CDH7: variants seen among roughly 807,000 people sequenced by gnomAD.
CDH7 encodes the protein cadherin-7.
In CDH7, 25 loss-of-function variants were observed where a neutral mutation model predicts 71.8. That is an observed-to-expected ratio of 0.35 (90% confidence interval 0.25 to 0.49). The LOEUF (loss-of-function observed/expected upper bound fraction) is 0.49, where lower values mean the gene tolerates loss of function less well. Among genes scored for constraint, CDH7 ranks in the 20% least tolerant of loss-of-function variants. The pLI is 0.99. For missense variants in CDH7, 862 were observed against 974.6 expected (o/e 0.88, Z 1.54); for synonymous variants, 381 against 363.8 (o/e 1.05, Z -0.54).
intron 2 of CDH7, among the ~76,000 whole-genome samples, chr18:65,774,590 G>A (rs1160933634): frequency 6.6e-6 from 1 of 151,938 alleles, no homozygotes; most frequent in African/African-American, 2.4e-5. Context: ...ATATGGTACT[G>A]AATCTGTTGT....
At chr18:65,833,519 A>C (rs544958378) in intron 6 of CDH7, among the ~76,000 whole-genome samples, 1 of 152,256 alleles carries the variant, frequency 6.6e-6, no homozygotes, top group African/African-American at 2.4e-5. Flanking sequence ...AAAAGGCATA[A>C]ATTTTGGATT....
At position 65,852,319 on chromosome 18, in the gene CDH7, C is replaced by CAAT. The variant is rs1913178678; in HGVS notation, c.1236-5489_1236-5487dup. Among the ~76,000 whole-genome samples the CAAT allele has an allele frequency of 1.3e-5, 2 of 152,126 alleles. 1 individual carries two copies. Among genetic ancestry groups the CAAT allele is most frequent in the South Asian group, 4.2e-4 (2 of 4,812 alleles). ...TTAGAGTCCAGTATCGAAATAACCT[C>CAAT]AATAATAATATATGCTTGCGTTAGT... On this transcript the variant is annotated intron_variant, in intron 7 of 11. Coordinates refer to ENST00000397968, the MANE Select transcript of CDH7 (RefSeq NM_004361.5).
chr18:65,865,909 C>T (rs907837966), intron 11 of CDH7: 1 of 152,026 alleles, frequency 6.6e-6, no homozygotes, highest in African/African-American at 2.4e-5. Context: ...ATTTGTAACT[C>T]AAACCTTTTA....
At chr18:65,856,273 A>T (rs770193577) in intron 7 of CDH7, among the ~76,000 whole-genome samples, 93 of 152,290 alleles carry the variant, frequency 6.1e-4, no homozygotes, top group Non-Finnish European at 1.1e-3. Context: ...AAAATAAGAT[A>T]TATTATTATT....
Position 65,824,839 on chromosome 18 carries a change from T to G in CDH7, c.981+8T>G. On this transcript the variant is annotated splice_region_variant and intron_variant, in intron 6 of 11. Coordinates refer to ENST00000397968, the MANE Select transcript of CDH7 (RefSeq NM_004361.5). Reference sequence around the variant, plus strand: ...ATCATTACTATACAGAAGGTAATGTTTTCTTTATTTATCTTTTATCACAGA... The same window carrying G: ...ATCATTACTATACAGAAGGTAATGTGTTCTTTATTTATCTTTTATCACAGA... 6.4e-7 allele frequency: 1 copy of G among 1,560,490 alleles called. No individual in the cohort carries two copies. The highest frequency in any genetic ancestry group is 1.2e-5 in the South Asian group (1 of 85,720).
rs28397859 is a variant in CDH7 at position 65,758,924 on chromosome 18, A to C, written c.-196-3723A>C. Among the ~76,000 whole-genome samples, 466 of 148,764 alleles carry C rather than the reference A, an allele frequency of 3.1e-3. 5 individuals carry two copies. Among genetic ancestry groups the C allele is most frequent in the African/African-American group, 0.011 (443 of 40,196 alleles). On this transcript the variant is annotated intron_variant, in intron 1 of 11. Coordinates refer to ENST00000397968, the MANE Select transcript of CDH7 (RefSeq NM_004361.5). Reference sequence around the variant, plus strand: ...ATAGGGTAGATCTCCTTCTTCATCAAGGTTTATGTTTATACTAGCTGCTTT... The same window carrying C: ...ATAGGGTAGATCTCCTTCTTCATCACGGTTTATGTTTATACTAGCTGCTTT...
intron 4 of CDH7, among the ~76,000 whole-genome samples, chr18:65,815,067 ATCTGC>A (rs1911676177): frequency 1.3e-5 from 2 of 152,266 alleles, no homozygotes; most frequent in South Asian, 4.1e-4. Context: ...TAGGGTGATG[ATCTGC>A]CAAATCAAAA....
intron 2 of CDH7, among the ~76,000 whole-genome samples, chr18:65,792,042 A>G (rs1248153325): frequency 6.6e-6 from 1 of 152,060 alleles, no homozygotes; most frequent in Non-Finnish European, 1.5e-5. Context: ...AAGTTTGAAA[A>G]CTACATTAAC....
chr18:65,781,739 C>G (rs923773032), intron 2 of CDH7, among the ~76,000 whole-genome samples: 1 of 149,724 alleles, frequency 6.7e-6, no homozygotes, highest in Admixed American at 6.6e-5. Flanking sequence ...TTCTAGCTAC[C>G]CTATTGGTTG....
chr18:65,880,550 A>C lies in CDH7; in HGVS notation c.2014A>C (p.Arg672=). ...GGAAGCGTTTGACATGGCTGCACTG[A>C]GAAACCTCAACGTCATCCGAGACAC... is the stretch of plus-strand genomic sequence containing the variant. ...DTEAFDMAAL[R]NLNVIRDTKT... Residue 672 remains arginine (R), a synonymous_variant, in exon 12 of 12, where the codon AGA becomes CGA. Transcript: ENST00000397968. 6.2e-7 allele frequency: 1 copy of C among 1,613,936 alleles called. No homozygotes were observed. The highest frequency in any genetic ancestry group is 8.5e-7 in the Non-Finnish European group (1 of 1,179,962).
intron 7 of CDH7, among the ~76,000 whole-genome samples, chr18:65,849,891 C>T (rs555281005): frequency 4.6e-5 from 7 of 151,930 alleles, no homozygotes; most frequent in South Asian, 2.1e-4. Context: ...GGGCCCAGCA[C>T]GGTGGCTCAC....
intron 6 of CDH7, 117 bp downstream of exon 6, chr18:65,824,948 A>C (rs1912074917): frequency 4.9e-6 from 3 of 607,112 alleles, no homozygotes; most frequent in Non-Finnish European, 8.0e-6. Context: ...TTTTAATTTT[A>C]GTAAGATAAG....
intron 5 of CDH7, among the ~76,000 whole-genome samples, chr18:65,823,544 G>A (rs1036018590): frequency 7.2e-5 from 11 of 151,838 alleles, no homozygotes; most frequent in South Asian, 2.1e-4. Context: ...TTTCTCTACC[G>A]TTGAATCACT....
intron 1 of CDH7, among the ~76,000 whole-genome samples, chr18:65,759,579 G>A (rs1157142977): frequency 6.6e-6 from 1 of 151,940 alleles, no homozygotes; most frequent in Non-Finnish European, 1.5e-5. Flanking sequence ...TTAACAATGT[G>A]TATTTTATCA....
rs1266355753 is a variant in CDH7, at chr18:65,884,426, T to C, written c.*3532T>C. 6.6e-6 allele frequency: 1 copy of C among 152,134 alleles called. No individual in the cohort carries two copies. Among genetic ancestry groups the C allele is most frequent in the African/African-American group, 2.4e-5 (1 of 41,418 alleles). The allele number at this position is 152,134 out of a possible 1,614,324, so 9.4% of individuals were successfully genotyped here. ...AGGAAGCTCTGCTGATGACTACAAT[T>C]GAGGTTAGTTGTCTACAAGATACAT... is the stretch of plus-strand genomic sequence containing the variant. On this transcript the variant is annotated 3_prime_UTR_variant, in exon 12 of 12. Coordinates refer to ENST00000397968, the MANE Select transcript of CDH7 (RefSeq NM_004361.5).
At chr18:65,776,324 G>A (rs1638973742) in intron 2 of CDH7, among the ~76,000 whole-genome samples, 1 of 149,762 alleles carries the variant, frequency 6.7e-6, no homozygotes, top group Non-Finnish European at 1.5e-5. Context: ...AATTACATGG[G>A]ACAGCTTTTC....
At chr18:65,766,468 C>A (rs1390767266) in intron 2 of CDH7, among the ~76,000 whole-genome samples, 1 of 151,974 alleles carries the variant, frequency 6.6e-6, no homozygotes, top group Non-Finnish European at 1.5e-5. Context: ...CTTCTAGAAC[C>A]CTTACTCAGG....
intron 2 of CDH7, among the ~76,000 whole-genome samples, chr18:65,787,117 C>A (rs571377559): frequency 6.6e-6 from 1 of 152,208 alleles, no homozygotes; most frequent in South Asian, 2.1e-4. Context: ...TTGACACATG[C>A]AGCCAAAAAG....
chr18:65,816,698 T>C (rs528778388), intron 4 of CDH7, among the ~76,000 whole-genome samples: 11 of 152,286 alleles, frequency 7.2e-5, no homozygotes, highest in Non-Finnish European at 1.5e-4. Context: ...AGGGTAACTA[T>C]ATTTTCTGCG....
Sources: allele counts gnomAD v4.1 joint callset (sites outside exome capture counted in the v4.1 genomes callset), GRCh38; gene constraint gnomAD v4.1.1; transcripts MANE v1.5; gene names NCBI Gene and HGNC (gene_info 2026-07-23, HGNC 2026-07-21).